Variants in ASIC2 observed in about 807,000 individuals in gnomAD.
ASIC2 encodes acid sensing ion channel subunit 2.
Under a neutral mutation model 57.3 loss-of-function variants are expected in ASIC2, and 25 were observed. The observed-to-expected ratio is 0.44, with a 90% CI of 0.32 to 0.61. The LOEUF is 0.61. ASIC2 is among the 20% of genes least tolerant of loss of function. ASIC2 has a pLI of 0.06. For synonymous variants in ASIC2, 319 were observed against 307.5 expected (o/e 1.04, Z -0.39); for missense variants, 641 against 738.1 (o/e 0.87, Z 1.52).
At chr17:33,035,372 A>G (rs1567722705) in intron 3 of ASIC2, among the ~76,000 whole-genome samples, 1 of 152,070 alleles carries the variant, frequency 6.6e-6, no homozygotes, top group Non-Finnish European at 1.5e-5. Flanking sequence ...TTTTGATTGT[A>G]TACTAGGAGA....
chr17:33,302,128 G>A (rs1905981727), intron 1 of ASIC2, among the ~76,000 whole-genome samples: 1 of 152,136 alleles, frequency 6.6e-6, no homozygotes, highest in Non-Finnish European at 1.5e-5. Flanking sequence ...TTTATTATCA[G>A]TTTAGATAAC....
intron 1 of ASIC2, among the ~76,000 whole-genome samples, chr17:33,870,854 A>G (rs1914385780): frequency 6.6e-6 from 1 of 152,210 alleles, no homozygotes; most frequent in Admixed American, 6.5e-5. Flanking sequence ...TGCCTGACAT[A>G]TGTAGGCTTA....
chr17:33,801,302 C>T lies in ASIC2; in HGVS notation c.555+354676G>A, dbSNP rs531036841. On this transcript the variant is annotated intron_variant, in intron 1 of 9. Coordinates refer to the ASIC2 transcript ENST00000359872. Reference sequence around the variant, plus strand: ...ACATCAGACATTTTGCAGGAGAGCCCGCTGGGACTAAAATGGATCACCAGG... The same window carrying T: ...ACATCAGACATTTTGCAGGAGAGCCTGCTGGGACTAAAATGGATCACCAGG... Among the ~76,000 whole-genome samples the T allele has an allele frequency of 3.3e-5, 5 of 152,240 alleles. No individual in the cohort carries two copies. In the East Asian group the frequency reaches 5.8e-4, roughly 18 times the overall value.
At chr17:33,839,032 T>C (rs73288605) in intron 1 of ASIC2, among the ~76,000 whole-genome samples, 2,387 of 152,298 alleles carry the variant, frequency 0.016, 58 homozygotes, top group African/African-American at 0.053. Flanking sequence ...ATGCTGCTAG[T>C]GCATGCACCA....
At chr17:34,059,842 C>T (rs907565085) in intron 1 of ASIC2, among the ~76,000 whole-genome samples, 8 of 152,306 alleles carry the variant, frequency 5.3e-5, no homozygotes, top group African/African-American at 1.7e-4. Context: ...CAGCAAAACC[C>T]GCCCAAGGAG....
intron 1 of ASIC2, among the ~76,000 whole-genome samples, chr17:33,567,720 C>A (rs566887256): frequency 1.3e-5 from 2 of 152,178 alleles, no homozygotes; most frequent in South Asian, 2.1e-4. Flanking sequence ...ATGGAGGCAC[C>A]TTTTACTGAG....
intron 1 of ASIC2, among the ~76,000 whole-genome samples, chr17:33,170,793 C>T (rs1905485743): frequency 6.6e-6 from 1 of 152,238 alleles, no homozygotes; most frequent in Admixed American, 6.5e-5. Flanking sequence ...ATTTCTACAA[C>T]ATTCTACAAT....
intron 1 of ASIC2, among the ~76,000 whole-genome samples, chr17:33,470,472 T>A (rs927723764): frequency 2.7e-5 from 4 of 146,076 alleles, no homozygotes; most frequent in African/African-American, 1.0e-4. Context: ...AAAAATCTCC[T>A]GGAGATCTTG....
chr17:33,130,025 T>G (rs1430340828), intron 1 of ASIC2, among the ~76,000 whole-genome samples: 1 of 152,070 alleles, frequency 6.6e-6, no homozygotes, highest in African/African-American at 2.4e-5. Flanking sequence ...TGTAAGGCAG[T>G]TTTCCTGTAT....
intron 1 of ASIC2, among the ~76,000 whole-genome samples, chr17:33,663,493 G>A (rs931079663): frequency 1.1e-4 from 16 of 149,768 alleles, no homozygotes; most frequent in African/African-American, 1.5e-4. Flanking sequence ...AAGTATATGC[G>A]TGCTAAAGTG....
At chr17:33,420,247 G>T (rs1910999537) in intron 1 of ASIC2, among the ~76,000 whole-genome samples, 1 of 152,218 alleles carries the variant, frequency 6.6e-6, no homozygotes, top group African/African-American at 2.4e-5. Context: ...TGGGGAGGAA[G>T]TGGGAAAGCT....
In ASIC2 at chr17:33,579,314, G is replaced by A. The variant is rs868112807; in HGVS notation, c.556-467247C>T. 2.5e-4 allele frequency among the ~76,000 whole-genome samples: 37 copies of A among 150,746 alleles called. 1 individual carries two copies. Among genetic ancestry groups the A allele is most frequent in the Middle Eastern group, 3.5e-3 (1 of 284 alleles). On this transcript the variant is annotated intron_variant, in intron 1 of 9. Coordinates refer to the ASIC2 transcript ENST00000359872. ...AAAAAAAAAAAAAAAATGCAGGTGGGTGACTCAGATGTTGGCTCAGGGCAC... is the reference window on the plus strand; with the variant it reads ...AAAAAAAAAAAAAAAATGCAGGTGGATGACTCAGATGTTGGCTCAGGGCAC...
chr17:33,983,472 G>A (rs1295811347), intron 1 of ASIC2, among the ~76,000 whole-genome samples: 1 of 152,140 alleles, frequency 6.6e-6, no homozygotes. Context: ...TTTCGATGAC[G>A]TTTGGGCCTC....
chr17:33,576,376 A>T (rs1916621645), intron 1 of ASIC2, among the ~76,000 whole-genome samples: 1 of 152,206 alleles, frequency 6.6e-6, no homozygotes, highest in African/African-American at 2.4e-5. Flanking sequence ...TCAGGTATAG[A>T]TGTGACTAGG....
At position 33,279,375 on chromosome 17, in the gene ASIC2, G is replaced by A. The variant is rs561598927; in HGVS notation, c.708+12033C>T. Among the ~76,000 whole-genome samples the A allele has an allele frequency of 2.0e-5, 3 of 152,284 alleles. No homozygotes were observed. The East Asian group carries it at 5.8e-4, about 29-fold the overall frequency. On this transcript the variant is annotated intron_variant, in intron 1 of 9. Coordinates refer to ENST00000225823, the MANE Select transcript of ASIC2 (RefSeq NM_183377.2). ...GGGCATCCAGGGGAAAGGAAGTAAG[G>A]ACATGGAAGCTGGAAAATTCTTTGG...
At chr17:33,685,779 G>A (rs563710540) in intron 1 of ASIC2, among the ~76,000 whole-genome samples, 1 of 152,154 alleles carries the variant, frequency 6.6e-6, no homozygotes, top group South Asian at 2.1e-4. Flanking sequence ...AGCCCCATTG[G>A]TCAGGTGGGT....
intron 1 of ASIC2, among the ~76,000 whole-genome samples, chr17:33,940,734 G>T (rs1282829187): frequency 6.6e-6 from 1 of 152,204 alleles, no homozygotes; most frequent in African/African-American, 2.4e-5. Flanking sequence ...ATTGAGACAA[G>T]ACTGTTAAGC....
intron 1 of ASIC2, among the ~76,000 whole-genome samples, chr17:33,126,953 T>C (rs7207055): frequency 0.84 from 120,696 of 143,076 alleles, 51,361 homozygotes; most frequent in African/African-American, 0.91. Flanking sequence ...CTGCAAGCTC[T>C]GCTTCCCGGG....
At chr17:33,932,741 A>AAAATATAT (rs1555572867) in intron 1 of ASIC2, 4 of 58,708 alleles carry the variant, frequency 6.8e-5, no homozygotes, top group African/African-American at 2.7e-4. Flanking sequence ...AAAAAAAAAA[A>AAAATATAT]ATATATATAT....
Sources: gnomAD v4.1 joint callset for allele counts (sites outside exome capture counted in the v4.1 genomes callset) on GRCh38, gnomAD v4.1.1 for gene constraint, MANE v1.5 for transcripts, NCBI Gene and HGNC (gene_info 2026-07-23, HGNC 2026-07-21) for gene names.